KRR1: variants seen among roughly 807,000 people sequenced by gnomAD.
KRR1 encodes KRR1 small subunit processome component.
Under a neutral mutation model 50.0 loss-of-function variants are expected in KRR1, and 23 were observed. That is an observed-to-expected ratio of 0.46 (90% CI 0.33 to 0.65). The LOEUF is 0.65. Among genes scored for constraint, KRR1 ranks in the 30% least tolerant of loss-of-function variants. The probability of loss-of-function intolerance (pLI) is 0.02; values close to 1 mark genes in which losing one functional copy is unlikely to be tolerated. For synonymous variants in KRR1, 133 were observed against 146.3 expected (o/e 0.91, Z 0.66); for missense variants, 419 against 442.4 (o/e 0.95, Z 0.47).
intron 1 of KRR1, 44 bp downstream of exon 1, chr12:75,511,469 T>G (rs1049717790): frequency 3.2e-6 from 5 of 1,542,400 alleles, no homozygotes; most frequent in Non-Finnish European, 4.5e-6. Flanking sequence ...ACATCGCAAC[T>G]CAACGTACAC....
Position 75,491,631 on chromosome 12 carries a change from CTTAG to C in KRR1, c.*8174_*8177del, listed in dbSNP as rs2046324426. ...CCATCAGTACTAGGTATTATAATTT[CTTAG>C]TATTTTCTAATTTGATGGAAATGGC... is the stretch of plus-strand genomic sequence containing the variant. On this transcript the variant is annotated 3_prime_UTR_variant, in exon 10 of 10. Coordinates refer to ENST00000229214, the MANE Select transcript of KRR1 (RefSeq NM_007043.7). 6.6e-6 allele frequency: 1 copy of C among 152,126 alleles called. No homozygotes were observed. Among genetic ancestry groups the C allele is most frequent in the South Asian group, 2.1e-4 (1 of 4,824 alleles). The allele number at this position is 152,126 out of a possible 1,614,324, so 9.4% of individuals were successfully genotyped here.
At position 75,493,249 on chromosome 12, in the gene KRR1, T is replaced by C. The variant is rs1166508971; in HGVS notation, c.*6560A>G. The C allele has an allele frequency of 6.6e-6, 1 of 152,176 alleles. No individual in the cohort carries two copies. The highest frequency in any genetic ancestry group is 1.5e-5 in the Non-Finnish European group (1 of 68,038). 9.4% of individuals were successfully genotyped at this position (152,176 alleles called of 1,614,324 possible). ...GGATGGAAAATGGATTAGAGGAGCA[T>C]AAAAGGTAAAACAGAGAGACCAGTT... On this transcript the variant is annotated 3_prime_UTR_variant, in exon 10 of 10. Coordinates refer to ENST00000229214, the MANE Select transcript of KRR1 (RefSeq NM_007043.7).
chr12:75,506,889 C>T lies in KRR1; in HGVS notation c.286G>A (p.Glu96Lys), dbSNP rs141363529. 56 of 1,612,222 alleles carry T rather than the reference C, an allele frequency of 3.5e-5. 1 individual carries two copies. The highest frequency in any genetic ancestry group is 3.3e-4 in the Middle Eastern group (2 of 6,050). Reference sequence around the variant, plus strand: ...GTAGTACAAACAGTCATGCTGCCTTCGATCAGGTCCAGGGTTGCATTAACA... The same window carrying T: ...GTAGTACAAACAGTCATGCTGCCTTTGATCAGGTCCAGGGTTGCATTAACA... The part of the protein sequence containing the change: ...HHVNATLDLI[E>K]GSMTVCTTKK... The change falls in exon 3 of 10, where the codon GAA (glutamate) becomes AAA (lysine). Residue 96 changes from glutamate to lysine, a missense_variant. Glu to Lys is a moderately conservative substitution (Grantham distance 56). Transcript: ENST00000229214.
Position 75,506,546 on chromosome 12 carries a change from T to C in KRR1, c.457A>G (p.Asn153Asp), listed in dbSNP as rs1391289689. ...DIIKIGSLVRNKERFVKRRQR... is the reference protein window; with the variant it reads ...DIIKIGSLVRDKERFVKRRQR... ...CTTCGTTTTACAAATCTCTCTTTAT[T>C]CCTTACTAAAGAACCTATTTTAATG... The change falls in exon 4 of 10, where the codon AAT becomes GAT. Residue 153 changes from asparagine (N) to aspartate (D), a missense_variant. Physicochemically the swap from Asn to Asp is conservative, Grantham distance 23. Coordinates refer to ENST00000229214, the MANE Select transcript of KRR1 (RefSeq NM_007043.7). 1.3e-6 allele frequency: 2 copies of C among 1,590,798 alleles called. No homozygotes were observed. The highest frequency in any genetic ancestry group is 1.7e-6 in the Non-Finnish European group (2 of 1,169,252).
At chr12:75,504,920 T>G (rs2046415308) in intron 6 of KRR1, among the ~76,000 whole-genome samples, 1 of 152,046 alleles carries the variant, frequency 6.6e-6, no homozygotes, top group Non-Finnish European at 1.5e-5. Flanking sequence ...CTACAACAGA[T>G]TCTGTGAAGC....
chr12:75,502,083 G>T, intron 7 of KRR1, 83 bp from the exon 8 acceptor site: 2 of 1,114,084 alleles, frequency 1.8e-6, no homozygotes, highest in African/African-American at 1.6e-5. Context: ...TATCCTTAGG[G>T]TAAAAACAAT....
intron 9 of KRR1, chr12:75,500,386 A>T (rs2046383854): frequency 6.6e-6 from 1 of 152,162 alleles, no homozygotes; most frequent in Admixed American, 6.6e-5. Context: ...CAATAAGTTT[A>T]ATCAGCTAAC....
In KRR1 at chr12:75,502,180, G is replaced by GAGGT. The variant is rs2046399012; in HGVS notation, c.832-184_832-181dup. The GAGGT allele has an allele frequency of 7.1e-6, 4 of 563,214 alleles. No homozygotes were observed. The South Asian group carries it at 9.1e-5, about 13-fold the overall frequency. 34.9% of individuals were successfully genotyped at this position (563,214 alleles called of 1,614,324 possible). A position where few individuals can be genotyped will look rare whatever the true frequency, so the allele number is the denominator to read the frequency against. ...AGGGGAATACATACACAAAAGTGTG[G>GAGGT]AGGTAGGAAAGCACCTCCATGGAAT... is the stretch of plus-strand genomic sequence containing the variant. On this transcript the variant is annotated intron_variant, in intron 7 of 9. Coordinates refer to ENST00000229214, the MANE Select transcript of KRR1 (RefSeq NM_007043.7).
intron 1 of KRR1, among the ~76,000 whole-genome samples, chr12:75,511,230 C>A (rs573469185): frequency 6.6e-6 from 1 of 152,168 alleles, no homozygotes; most frequent in East Asian, 1.9e-4. Flanking sequence ...TCTGCGTCGC[C>A]CTAGGCATTT....
chr12:75,506,944 T>G, intron 2 of KRR1, 28 bp from the exon 3 acceptor site: 1 of 1,561,204 alleles, frequency 6.4e-7, no homozygotes, highest in Non-Finnish European at 8.6e-7. Flanking sequence ...AAACAAGCAG[T>G]TGTCTAAAAA....
intron 9 of KRR1, chr12:75,500,183 C>CAAGTATACATA (rs1460078062): frequency 3.4e-6 from 1 of 290,480 alleles, no homozygotes; most frequent in East Asian, 6.4e-5. Flanking sequence ...TATATTAGTA[C>CAAGTATACATA]AAGTATACAT....
chr12:75,505,153 G>A (rs751861072), intron 6 of KRR1, 45 bp downstream of exon 6: 3 of 1,467,228 alleles, frequency 2.0e-6, no homozygotes, highest in Non-Finnish European at 2.8e-6. Flanking sequence ...GTAGCTAAAA[G>A]AAGTATGATA....
chr12:75,504,627 GACTTTATA>G (rs2046413838), intron 6 of KRR1, among the ~76,000 whole-genome samples: 1 of 151,984 alleles, frequency 6.6e-6, no homozygotes, highest in Non-Finnish European at 1.5e-5. Flanking sequence ...ATCTAACAGT[GACTTTATA>G]ACTTAAGTTC....
In KRR1 at chr12:75,506,942, A is replaced by G. The variant is rs370943327; in HGVS notation, c.259-26T>C. 2.3e-5 allele frequency: 36 copies of G among 1,562,790 alleles called. No homozygotes were observed. The African/African-American group carries it at 4.6e-4, about 20-fold the overall frequency. On this transcript the variant is annotated intron_variant, in intron 2 of 9. Transcript: ENST00000229214. ...CTACAGAAGGAAAGAGCAAACAAGC[A>G]GTTGTCTAAAAATGAGTTTTTTTAG... is the stretch of plus-strand genomic sequence containing the variant.
chr12:75,509,586 CTTTTTTTTTTTTTT>C (rs895198427), intron 1 of KRR1, among the ~76,000 whole-genome samples: 1 of 131,256 alleles, frequency 7.6e-6, no homozygotes, highest in Non-Finnish European at 1.6e-5. Context: ...ATACACATTT[CTTTTTTTTTTTTTT>C]TTTTTAAAGA....
rs1023303797 is a variant in KRR1, at chr12:75,504,086, C to A, written c.661-12G>T. On this transcript the variant is annotated splice_polypyrimidine_tract_variant and intron_variant, in intron 6 of 9. Coordinates refer to ENST00000229214, the MANE Select transcript of KRR1 (RefSeq NM_007043.7). ...TTAATCATTAAGCTCTTTAGTCATG[C>A]AACAAAGTAAAAATTTTTACTTTCC... is the stretch of plus-strand genomic sequence containing the variant. 5.7e-6 allele frequency: 9 copies of A among 1,572,104 alleles called. No homozygotes were observed. Among genetic ancestry groups the A allele is most frequent in the Non-Finnish European group, 7.8e-6 (9 of 1,160,984 alleles).
chr12:75,501,708 C>G lies in KRR1; in HGVS notation c.1003+15G>C. The G allele has an allele frequency of 6.6e-7, 1 of 1,526,638 alleles. No homozygotes were observed. 94.6% of individuals were successfully genotyped at this position (1,526,638 alleles called of 1,614,324 possible). On this transcript the variant is annotated intron_variant, in intron 9 of 9. Coordinates refer to ENST00000229214, the MANE Select transcript of KRR1 (RefSeq NM_007043.7). ...TCCTAATTAATAAAGACTTTTACAT[C>G]ATAGAAAGCATTACCTTCCTTAGGT...
chr12:75,493,142 A>C lies in KRR1; in HGVS notation c.*6667T>G, dbSNP rs1183902002. 6.6e-6 allele frequency: 1 copy of C among 152,180 alleles called. No homozygotes were observed. Among genetic ancestry groups the C allele is most frequent in the Non-Finnish European group, 1.5e-5 (1 of 68,040 alleles). 9.4% of individuals were successfully genotyped at this position (152,180 alleles called of 1,614,324 possible). On this transcript the variant is annotated 3_prime_UTR_variant, in exon 10 of 10. Transcript: ENST00000229214. ...TTGCAGATCTAGCGGGAACTTTTAGATCATGACAAAGTTTACATAAGAAGT... is the reference window on the plus strand; with the variant it reads ...TTGCAGATCTAGCGGGAACTTTTAGCTCATGACAAAGTTTACATAAGAAGT...
chr12:75,493,093 G>A lies in KRR1; in HGVS notation c.*6716C>T, dbSNP rs1251329033. Reference sequence around the variant, plus strand: ...ACTGGTGCCCTCGGTCTGCTAAACAGATGAAACGGGGGGAGGAAGGCAGTT... The same window carrying A: ...ACTGGTGCCCTCGGTCTGCTAAACAAATGAAACGGGGGGAGGAAGGCAGTT... On this transcript the variant is annotated 3_prime_UTR_variant, in exon 10 of 10. Coordinates refer to ENST00000229214, the MANE Select transcript of KRR1 (RefSeq NM_007043.7). 1 of 152,180 alleles carries A rather than the reference G, an allele frequency of 6.6e-6. No individual in the cohort carries two copies. Among genetic ancestry groups the A allele is most frequent in the South Asian group, 2.1e-4 (1 of 4,820 alleles). The allele number at this position is 152,180 out of a possible 1,614,324, so 9.4% of individuals were successfully genotyped here.
Sources: gnomAD v4.1 joint callset for allele counts (sites outside exome capture counted in the v4.1 genomes callset) on GRCh38, gnomAD v4.1.1 for gene constraint, MANE v1.5 for transcripts, NCBI Gene and HGNC (gene_info 2026-07-23, HGNC 2026-07-21) for gene names.